ADARB2: variants seen among roughly 807,000 people sequenced by gnomAD.
The protein encoded by ADARB2 is adenosine deaminase RNA specific B2 (inactive).
A neutral mutation model predicts 62.2 loss-of-function variants in ADARB2; 25 were observed. That is an observed-to-expected ratio of 0.40 (90% CI 0.29 to 0.56). The LOEUF is 0.56. Ranked by LOEUF, ADARB2 falls within the 20% of genes least tolerant of loss-of-function variation. The probability of loss-of-function intolerance (pLI) is 0.43; values close to 1 mark genes in which losing one functional copy is unlikely to be tolerated. For synonymous variants in ADARB2, 572 were observed against 500.8 expected (o/e 1.14, Z -1.90); for missense variants, 1,071 against 1,077.4 (o/e 0.99, Z 0.08).
At chr10:1,540,781 T>A (rs183756137) in intron 1 of ADARB2, among the ~76,000 whole-genome samples, 1 of 29,650 alleles carries the variant, frequency 3.4e-5, no homozygotes, top group South Asian at 1.5e-3. Context: ...CCCACTCAGA[T>A]GTAGTTCAGA....
At chr10:1,427,187 T>A (rs1362783246) in intron 1 of ADARB2, among the ~76,000 whole-genome samples, 3 of 152,238 alleles carry the variant, frequency 2.0e-5, no homozygotes, top group Non-Finnish European at 2.9e-5. Context: ...TTCTCAGATG[T>A]GATGCTGAGT....
chr10:1,501,271 A>G (rs1198997576), intron 1 of ADARB2, among the ~76,000 whole-genome samples: 1 of 152,208 alleles, frequency 6.6e-6, no homozygotes, highest in Non-Finnish European at 1.5e-5. Context: ...CTATGTAGGG[A>G]AACAGTTTTG....
At chr10:1,682,771 T>A (rs1351873256) in intron 1 of ADARB2, among the ~76,000 whole-genome samples, 4 of 152,184 alleles carry the variant, frequency 2.6e-5, no homozygotes, top group African/African-American at 9.7e-5. Flanking sequence ...TGTAAGAAAT[T>A]TAAATTGCAC....
chr10:1,294,011 T>C (rs747814378), intron 3 of ADARB2, among the ~76,000 whole-genome samples: 8 of 152,022 alleles, frequency 5.3e-5, no homozygotes, highest in Non-Finnish European at 1.2e-4. Flanking sequence ...CATCTGGAAG[T>C]GCAAACAAAG....
chr10:1,596,614 G>A (rs1292481013), intron 1 of ADARB2, among the ~76,000 whole-genome samples: 1 of 152,232 alleles, frequency 6.6e-6, no homozygotes, highest in Non-Finnish European at 1.5e-5. Context: ...AGGGGCTGGG[G>A]AGGTGCCGAG....
intron 1 of ADARB2, among the ~76,000 whole-genome samples, chr10:1,681,912 C>G (rs1183319431): frequency 6.6e-6 from 1 of 152,128 alleles, no homozygotes; most frequent in Non-Finnish European, 1.5e-5. Flanking sequence ...TGCATCTATG[C>G]AGGGAGTGAG....
chr10:1,211,288 A>G lies in ADARB2; in HGVS notation c.1682+5663T>C, dbSNP rs535244037. Among the ~76,000 whole-genome samples, 117 of 151,746 alleles carry G rather than the reference A, an allele frequency of 7.7e-4. 1 individual carries two copies. Among genetic ancestry groups the G allele is most frequent in the African/African-American group, 2.7e-3 (112 of 41,422 alleles). On this transcript the variant is annotated intron_variant, in intron 7 of 9. Transcript: ENST00000381312. ...TCATCTATTAACTATCATCTGATCT[A>G]TAATCTATGTATCATCTGTCATCTT...
intron 1 of ADARB2, among the ~76,000 whole-genome samples, chr10:1,460,491 G>A (rs71491386): frequency 6.2e-4 from 19 of 30,688 alleles, no homozygotes; most frequent in African/African-American, 8.5e-4. Context: ...CCTGCGTTAC[G>A]AACCTGCCTG....
chr10:1,623,075 C>T (rs79440167), intron 1 of ADARB2, among the ~76,000 whole-genome samples: 439 of 152,236 alleles, frequency 2.9e-3, no homozygotes, highest in Non-Finnish European at 5.1e-3. Context: ...GGAAGGAAGA[C>T]GTGACGTATG....
chr10:1,455,022 C>T (rs1187805283), intron 1 of ADARB2, among the ~76,000 whole-genome samples: 5 of 152,168 alleles, frequency 3.3e-5, no homozygotes, highest in African/African-American at 9.7e-5. Flanking sequence ...TTACGAAACA[C>T]GAGACTGGAA....
Position 1,464,446 on chromosome 10 carries a change from C to T in ADARB2, c.101-85286G>A, listed in dbSNP as rs1280318125. On this transcript the variant is annotated intron_variant, in intron 1 of 9. Transcript: ENST00000381312. ...GGGCCAGTCACAGCGGGCAGTGCAC[C>T]GGAGAAGAGGGTGGACACACACTCC... Among the ~76,000 whole-genome samples the T allele has an allele frequency of 1.3e-3, 85 of 67,498 alleles. 5 individuals carry two copies. Among genetic ancestry groups the T allele is most frequent in the African/African-American group, 2.2e-3 (38 of 17,630 alleles). 44.3% of individuals were successfully genotyped at this position (67,498 alleles called of 152,430 possible).
At chr10:1,373,957 G>A (rs1224021184) in intron 2 of ADARB2, among the ~76,000 whole-genome samples, 1 of 146,888 alleles carries the variant, frequency 6.8e-6, no homozygotes, top group Non-Finnish European at 1.5e-5. Flanking sequence ...CGTGGGCTCC[G>A]CGCACCTTTC....
chr10:1,671,186 T>C (rs1053997751), intron 1 of ADARB2, among the ~76,000 whole-genome samples: 1 of 152,308 alleles, frequency 6.6e-6, no homozygotes, highest in African/African-American at 2.4e-5. Context: ...GAGAGGGTGC[T>C]GGGCGCCGGC....
intron 8 of ADARB2, among the ~76,000 whole-genome samples, chr10:1,193,177 A>G (rs570274536): frequency 7.2e-5 from 11 of 152,206 alleles, no homozygotes; most frequent in African/African-American, 2.4e-4. Flanking sequence ...GGGGATGCCA[A>G]GGCCTGGGCG....
chr10:1,687,166 C>T (rs1834608268), intron 1 of ADARB2, among the ~76,000 whole-genome samples: 1 of 151,446 alleles, frequency 6.6e-6, no homozygotes, highest in African/African-American at 2.4e-5. Flanking sequence ...AGCTGGGATT[C>T]AGGTATGTGC....
chr10:1,486,959 G>A (rs1831551347), intron 1 of ADARB2, among the ~76,000 whole-genome samples: 2 of 152,236 alleles, frequency 1.3e-5, no homozygotes, highest in South Asian at 4.1e-4. Context: ...TCTGTTCTAA[G>A]TCTCCCACTC....
At chr10:1,357,098 C>T (rs1484482576) in intron 3 of ADARB2, among the ~76,000 whole-genome samples, 1 of 152,172 alleles carries the variant, frequency 6.6e-6, no homozygotes, top group Non-Finnish European at 1.5e-5. Context: ...TAAAAGAGTT[C>T]CTGTCAGCAA....
At chr10:1,542,538 T>C (rs796981397) in intron 1 of ADARB2, among the ~76,000 whole-genome samples, 30 of 15,250 alleles carry the variant, frequency 2.0e-3, no homozygotes, top group Non-Finnish European at 2.8e-3. Flanking sequence ...ATCACAGCCG[T>C]CCAGACCCCA....
chr10:1,735,478 A>G (rs1564208248), intron 1 of ADARB2, among the ~76,000 whole-genome samples: 1 of 152,214 alleles, frequency 6.6e-6, no homozygotes, highest in African/African-American at 2.4e-5. Context: ...AAATATTTAA[A>G]TAGACTAATC....
Sources: allele counts gnomAD v4.1 joint callset (sites outside exome capture counted in the v4.1 genomes callset), GRCh38; gene constraint gnomAD v4.1.1; transcripts MANE v1.5; gene names NCBI Gene and HGNC (gene_info 2026-07-23, HGNC 2026-07-21).